Variants in NUP43 observed in about 807,000 individuals in gnomAD.
NUP43 encodes nucleoporin 43.
A neutral mutation model predicts 47.3 loss-of-function variants in NUP43; 32 were observed. That is an observed-to-expected ratio of 0.68 (90% CI 0.51 to 0.91). NUP43 has a LOEUF of 0.91. NUP43 is among the 40% of genes least tolerant of loss of function. The pLI, the probability that NUP43 is intolerant of heterozygous loss-of-function variation, is 0.00. For synonymous variants in NUP43, 147 were observed against 158.4 expected, an observed-to-expected ratio of 0.93 and a Z score of 0.54; for missense variants, 444 against 453.9, an observed-to-expected ratio of 0.98 and a Z score of 0.20.
intron 2 of NUP43, among the ~76,000 whole-genome samples, chr6:149,744,759 C>T (rs1278820576): frequency 1.3e-5 from 2 of 151,392 alleles, no homozygotes; most frequent in Non-Finnish European, 2.9e-5. Context: ...TTGCTTGAAC[C>T]CAGGAGGCAG....
intron 2 of NUP43, among the ~76,000 whole-genome samples, chr6:149,745,022 T>C (rs1466252368): frequency 6.7e-6 from 1 of 150,222 alleles, no homozygotes; most frequent in Non-Finnish European, 1.5e-5. Flanking sequence ...TGCCTCAGAC[T>C]CCAGAGTAGC....
Position 149,746,330 on chromosome 6 carries a change from C to G in NUP43, c.120+46G>C, listed in dbSNP as rs370044824. 15 of 1,604,010 alleles carry G rather than the reference C, an allele frequency of 9.4e-6. No homozygotes were observed. In the African/African-American group the frequency reaches 1.5e-4, roughly 16 times the overall value. On this transcript the variant is annotated intron_variant, in intron 1 of 7. Coordinates refer to ENST00000340413, the MANE Select transcript of NUP43 (RefSeq NM_198887.3). ...GCGGAAGGCCAGGGGTCAGCTCAAC[C>G]GGAGAGAGGGAGGAGGTAGGGGCTC... is the stretch of plus-strand genomic sequence containing the variant.
At chr6:149,744,918 TA>T (rs1785888433) in intron 2 of NUP43, among the ~76,000 whole-genome samples, 1 of 150,598 alleles carries the variant, frequency 6.6e-6, no homozygotes, top group Non-Finnish European at 1.5e-5. Flanking sequence ...TATTTATTAT[TA>T]TTATTTTTTG....
chr6:149,727,269 C>T lies in NUP43; in HGVS notation c.914-71G>A, dbSNP rs1399947124. ...ATATTAGTAAACATTCAAACTTCTA[C>T]TGATATTTAGAAAGGTGATGATATC... On this transcript the variant is annotated intron_variant, in intron 7 of 7. Transcript: ENST00000340413. 8 of 1,517,104 alleles carry T rather than the reference C, an allele frequency of 5.3e-6. No individual in the cohort carries two copies. In the East Asian group the frequency reaches 1.9e-4, roughly 37 times the overall value. The allele number at this position is 1,517,104 out of a possible 1,614,324, so 94.0% of individuals were successfully genotyped here.
intron 6 of NUP43, among the ~76,000 whole-genome samples, chr6:149,732,299 A>G (rs1310660221): frequency 6.6e-6 from 1 of 151,982 alleles, no homozygotes; most frequent in African/African-American, 2.4e-5. Context: ...TAATCCTAAC[A>G]CTTTGGGAGG....
intron 2 of NUP43, among the ~76,000 whole-genome samples, chr6:149,744,158 G>A (rs866152717): frequency 1.5e-4 from 23 of 152,008 alleles, no homozygotes; most frequent in African/African-American, 5.1e-4. Flanking sequence ...AGGTTGCAGT[G>A]AGCCAAGATT....
chr6:149,745,054 G>C (rs1174567599), intron 2 of NUP43, among the ~76,000 whole-genome samples: 3 of 150,534 alleles, frequency 2.0e-5, no homozygotes, highest in African/African-American at 7.3e-5. Flanking sequence ...GCGCGCACCA[G>C]GGCTAGGTAG....
intron 6 of NUP43, among the ~76,000 whole-genome samples, chr6:149,734,246 G>T (rs1255300869): frequency 6.6e-6 from 1 of 151,996 alleles, no homozygotes; most frequent in Non-Finnish European, 1.5e-5. Flanking sequence ...AAGGCAAGAG[G>T]ATCACTTGAC....
intron 7 of NUP43, chr6:149,727,432 G>T (rs1784841132): frequency 2.0e-6 from 2 of 984,172 alleles, no homozygotes; most frequent in Non-Finnish European, 2.4e-6. Flanking sequence ...AAGTCTTCAG[G>T]AAAAGCAGGT....
At chr6:149,746,169 T>G (rs928625530) in intron 1 of NUP43, 107 bp from the exon 2 acceptor site, 21 of 1,396,620 alleles carry the variant, frequency 1.5e-5, no homozygotes, top group Non-Finnish European at 2.1e-5. Flanking sequence ...TCAAATGGTA[T>G]GGTGAGTTTA....
rs527418072 is a variant in NUP43, at chr6:149,745,837, T to G, written c.243+103A>C. 3.5e-5 allele frequency: 36 copies of G among 1,022,340 alleles called. 1 individual carries two copies. The South Asian group carries it at 6.5e-4, about 18-fold the overall frequency. The allele number at this position is 1,022,340 out of a possible 1,614,324, so 63.3% of individuals were successfully genotyped here. A position where few individuals can be genotyped will look rare whatever the true frequency, so the allele number is the denominator to read the frequency against. On this transcript the variant is annotated intron_variant, in intron 2 of 7. Transcript: ENST00000340413. ...ATAACTTACAGAGCACTCAGTTTTC[T>G]GTAAACGAGGGGTGACACCAGACAA...
intron 6 of NUP43, among the ~76,000 whole-genome samples, chr6:149,734,815 A>T (rs1447162816): frequency 6.6e-6 from 1 of 151,042 alleles, no homozygotes; most frequent in African/African-American, 2.4e-5. Flanking sequence ...AAAAAAAAAA[A>T]GGATAATCCA....
intron 7 of NUP43, among the ~76,000 whole-genome samples, chr6:149,729,776 G>A (rs1436110188): frequency 4.0e-5 from 6 of 151,812 alleles, no homozygotes; most frequent in Non-Finnish European, 7.4e-5. Context: ...TATGCGTTTC[G>A]ACATTTCGTT....
chr6:149,735,589 C>A (rs1343562338), intron 6 of NUP43, among the ~76,000 whole-genome samples: 5 of 129,520 alleles, frequency 3.9e-5, no homozygotes, highest in Admixed American at 7.9e-5. Flanking sequence ...CAGAGAGAGA[C>A]CCTGTCTCCA....
chr6:149,725,006 C>T lies in NUP43; in HGVS notation c.*1963G>A, dbSNP rs1443107007. 1 of 152,120 alleles carries T rather than the reference C, an allele frequency of 6.6e-6. No individual in the cohort carries two copies. Among genetic ancestry groups the T allele is most frequent in the Admixed American group, 6.6e-5 (1 of 15,258 alleles). 9.4% of individuals were successfully genotyped at this position (152,120 alleles called of 1,614,324 possible). The stretch of plus-strand genomic sequence containing the variant: ...ACTTTCTATCTCTAAGATCCTGCAA[C>T]CCTTGAAAGACACTCTATTTGACAG... On this transcript the variant is annotated 3_prime_UTR_variant, in exon 8 of 8. Transcript: ENST00000340413.
intron 7 of NUP43, among the ~76,000 whole-genome samples, chr6:149,730,951 A>AC (rs1785006660): frequency 6.6e-6 from 1 of 151,610 alleles, no homozygotes; most frequent in Admixed American, 6.6e-5. Context: ...CAAAAAAAAA[A>AC]CAAAATAAAA....
At chr6:149,746,849 C>T (rs926260115), upstream of NUP43, among the ~76,000 whole-genome samples, 3 of 152,226 alleles carry the variant, frequency 2.0e-5, no homozygotes, top group Admixed American at 2.0e-4. Flanking sequence ...GAAACCACAC[C>T]TAAGCAGTTG....
At chr6:149,740,584 G>A (rs1562381738) in intron 4 of NUP43, among the ~76,000 whole-genome samples, 3 of 151,036 alleles carry the variant, frequency 2.0e-5, no homozygotes, top group African/African-American at 4.9e-5. Context: ...AGCTGAGGTC[G>A]TGCCATTGCA....
chr6:149,736,649 A>C (rs756816777), intron 5 of NUP43, 27 bp from the exon 6 acceptor site: 2 of 1,542,000 alleles, frequency 1.3e-6, no homozygotes, highest in South Asian at 2.4e-5. Context: ...CAATGACGTC[A>C]AAATCAAATA....
Sources: allele counts gnomAD v4.1 joint callset (sites outside exome capture counted in the v4.1 genomes callset), GRCh38; gene constraint gnomAD v4.1.1; transcripts MANE v1.5; gene names NCBI Gene and HGNC (gene_info 2026-07-23, HGNC 2026-07-21).